Variants in M1AP observed in about 807,000 individuals in gnomAD.
M1AP encodes the protein meiosis 1 arrest protein.
In M1AP, 39 loss-of-function variants were observed where a neutral mutation model predicts 51.2. The ratio of observed to expected loss-of-function variants is 0.76; its 90% CI spans 0.59 to 1.00. The LOEUF (loss-of-function observed/expected upper bound fraction) is 1.00, where lower values mean the gene tolerates loss of function less well. Among genes scored for constraint, M1AP ranks in the 50% least tolerant of loss-of-function variants. The pLI is 0.00. For missense variants in M1AP, 545 were observed against 641.2 expected (o/e 0.85, Z 1.62); for synonymous variants, 251 against 249.2 (o/e 1.01, Z -0.07).
intron 4 of M1AP, among the ~76,000 whole-genome samples, chr2:74,593,211 T>C (rs1394190980): frequency 6.6e-6 from 1 of 151,764 alleles, no homozygotes; most frequent in Admixed American, 6.6e-5. Flanking sequence ...AGAGATATGA[T>C]GGAGAACGTG....
chr2:74,599,749 T>C (rs907623478), intron 4 of M1AP, among the ~76,000 whole-genome samples: 6 of 152,004 alleles, frequency 3.9e-5, no homozygotes, highest in Non-Finnish European at 7.4e-5. Context: ...CTAGAATATA[T>C]ATTCTCTCTC....
In M1AP at chr2:74,576,455, C is replaced by T; in HGVS notation, c.932+1G>A. ...ATTGGGGAGGTTCCCTTGGACCATA[C>T]TTGATCACTTGGAGCTTGTAATGAG... On this transcript the variant is annotated splice_donor_variant, in intron 6 of 10. Transcript: ENST00000421985. LOFTEE classifies it high-confidence loss of function. 6.2e-7 allele frequency: 1 copy of T among 1,613,444 alleles called. No individual in the cohort carries two copies. Among genetic ancestry groups the T allele is most frequent in the Middle Eastern group, 1.8e-4 (1 of 5,630 alleles).
At chr2:74,611,439 T>C (rs1483804641) in intron 3 of M1AP, among the ~76,000 whole-genome samples, 1 of 152,206 alleles carries the variant, frequency 6.6e-6, no homozygotes, top group Non-Finnish European at 1.5e-5. Context: ...ATCCATTTCT[T>C]TTAAGTTTTC....
chr2:74,615,128 T>C lies in M1AP; in HGVS notation c.262A>G (p.Arg88Gly), dbSNP rs369840446. Residue 88 changes from arginine to glycine, a missense_variant, in exon 3 of 11, where the codon AGG becomes GGG. Transcript: ENST00000421985. ...PFVQVKGNFA[R>G]LQTCISELRM... The stretch of plus-strand genomic sequence containing the variant: ...AGTTCTGAGATGCAGGTCTGCAACC[T>C]AGCAAAGTTCCCTTTCACTTGCTGC... 9 of 1,614,066 alleles carry C rather than the reference T, an allele frequency of 5.6e-6. No homozygotes were observed. Among genetic ancestry groups the C allele is most frequent in the African/African-American group, 2.7e-5 (2 of 74,936 alleles).
chr2:74,605,220 C>G (rs1025838420), intron 4 of M1AP, among the ~76,000 whole-genome samples: 1 of 152,096 alleles, frequency 6.6e-6, no homozygotes, highest in Admixed American at 6.5e-5. Context: ...CTCCTAGTAA[C>G]TTTATTTCTA....
Position 74,632,497 on chromosome 2 carries a change from T to C in M1AP, c.240+7539A>G, listed in dbSNP as rs1256139621. Among the ~76,000 whole-genome samples, 3 of 152,090 alleles carry C rather than the reference T, an allele frequency of 2.0e-5. No individual in the cohort carries two copies. The East Asian group carries it at 5.8e-4, about 29-fold the overall frequency. ...CTACTCTGAGTCACTACTCAGTACTTTTCCACTCCTAGCCTTCCCTCCTTG... is the reference window on the plus strand; with the variant it reads ...CTACTCTGAGTCACTACTCAGTACTCTTCCACTCCTAGCCTTCCCTCCTTG... On this transcript the variant is annotated intron_variant, in intron 2 of 10. Coordinates refer to ENST00000421985, the MANE Select transcript of M1AP (RefSeq NM_001321739.2).
intron 5 of M1AP, among the ~76,000 whole-genome samples, chr2:74,578,921 AAAT>A (rs758341473): frequency 1.3e-4 from 20 of 151,408 alleles, no homozygotes; most frequent in Non-Finnish European, 2.4e-4. Context: ...TCAATTTTTA[AAAT>A]AATAATGCCA....
chr2:74,595,301 C>T (rs759238806), intron 4 of M1AP, among the ~76,000 whole-genome samples: 6 of 152,084 alleles, frequency 3.9e-5, no homozygotes, highest in Admixed American at 1.3e-4. Flanking sequence ...AGGTATAAGC[C>T]ACCATGGCTG....
chr2:74,621,248 C>T (rs1682010793), intron 2 of M1AP, among the ~76,000 whole-genome samples: 1 of 151,870 alleles, frequency 6.6e-6, no homozygotes, highest in Non-Finnish European at 1.5e-5. Flanking sequence ...CGCCACTGCA[C>T]TCCAGCCTGG....
chr2:74,607,220 T>G lies in M1AP; in HGVS notation c.430A>C (p.Thr144Pro). Residue 144 changes from threonine (T) to proline (P), a missense_variant, in exon 4 of 11, where the codon ACT (threonine) becomes CCT (proline). Transcript: ENST00000421985. ...AALTYTSLEI[T>P]ILTSQPGKEV... Reference sequence around the variant, plus strand: ...TTTCCAGGCTGAGAAGTCAGAATAGTAATCTGAAAATAAATCCAAGAATCA... The same window carrying G: ...TTTCCAGGCTGAGAAGTCAGAATAGGAATCTGAAAATAAATCCAAGAATCA... The G allele has an allele frequency of 1.9e-6, 3 of 1,613,940 alleles. No homozygotes were observed. The highest frequency in any genetic ancestry group is 1.7e-6 in the Non-Finnish European group (2 of 1,179,858).
In M1AP at chr2:74,615,067, T is replaced by G; in HGVS notation, c.323A>C (p.Gln108Pro). Residue 108 changes from glutamine (Q) to proline (P), a missense_variant, in exon 3 of 11, where the codon CAA becomes CCA. Physicochemically the swap from Gln to Pro is moderately conservative, Grantham distance 76 (BLOSUM62 -1). Transcript: ENST00000421985. ...MLQREGCFRS[Q>P]GASLRLAVED... Reference sequence around the variant, plus strand: ...TACTGCCAGCCGCAGAGAAGCACCTTGTGATCTGAAACACCCTTCTCTCTG... The same window carrying G: ...TACTGCCAGCCGCAGAGAAGCACCTGGTGATCTGAAACACCCTTCTCTCTG... 1 of 1,614,196 alleles carries G rather than the reference T, an allele frequency of 6.2e-7. No homozygotes were observed.
intron 2 of M1AP, among the ~76,000 whole-genome samples, chr2:74,623,196 T>C (rs746022819): frequency 3.3e-5 from 5 of 151,970 alleles, no homozygotes; most frequent in Non-Finnish European, 7.4e-5. Context: ...AAAACAGTAA[T>C]AATTGAGAGT....
chr2:74,628,354 G>T, intron 2 of M1AP: 1 of 374,084 alleles, frequency 2.7e-6, no homozygotes, highest in East Asian at 6.4e-5. Context: ...CCAGTGTTTC[G>T]TCTTAAAAAC....
chr2:74,597,386 G>A (rs1680405560), intron 4 of M1AP, among the ~76,000 whole-genome samples: 2 of 152,184 alleles, frequency 1.3e-5, no homozygotes, highest in Non-Finnish European at 1.5e-5. Flanking sequence ...ATGAACAGCT[G>A]TGTTTTCTGG....
At chr2:74,626,252 T>A (rs77502509) in intron 2 of M1AP, among the ~76,000 whole-genome samples, 2,090 of 147,972 alleles carry the variant, frequency 0.014, 58 homozygotes, top group African/African-American at 0.052. Context: ...TTAAGCTATA[T>A]TTCAGTTTTT....
intron 2 of M1AP, among the ~76,000 whole-genome samples, chr2:74,622,846 G>A (rs1332781707): frequency 6.6e-6 from 1 of 151,224 alleles, no homozygotes; most frequent in Non-Finnish European, 1.5e-5. Context: ...GAGATGATCG[G>A]AGTTAAAGCA....
chr2:74,613,413 A>C (rs1262756965), intron 3 of M1AP, among the ~76,000 whole-genome samples: 1 of 152,186 alleles, frequency 6.6e-6, no homozygotes. Flanking sequence ...GGATAGAGGG[A>C]GGGGAAGTAT....
At chr2:74,608,037 T>G (rs901066318) in intron 3 of M1AP, among the ~76,000 whole-genome samples, 4 of 152,166 alleles carry the variant, frequency 2.6e-5, no homozygotes, top group Admixed American at 2.0e-4. Flanking sequence ...ATTATCAGTA[T>G]CTTCCACCAA....
chr2:74,639,222 A>C (rs190020366), intron 2 of M1AP, among the ~76,000 whole-genome samples: 2 of 152,356 alleles, frequency 1.3e-5, no homozygotes, highest in Admixed American at 6.5e-5. Context: ...AAACTAAGGC[A>C]TTAATAAAAA....
Sources: allele counts gnomAD v4.1 joint callset (sites outside exome capture counted in the v4.1 genomes callset), GRCh38; gene constraint gnomAD v4.1.1; transcripts MANE v1.5; gene names NCBI Gene and HGNC (gene_info 2026-07-23, HGNC 2026-07-21).